AKNAD1: variants seen among roughly 807,000 people sequenced by gnomAD.
AKNAD1 encodes protein AKNAD1.
In AKNAD1, 67 loss-of-function variants were observed where a neutral mutation model predicts 90.8. The observed-to-expected ratio is 0.74, with a 90% CI of 0.61 to 0.90. The LOEUF (loss-of-function observed/expected upper bound fraction) is 0.90, where lower values mean the gene tolerates loss of function less well. AKNAD1 is among the 40% of genes least tolerant of loss of function. The probability of loss-of-function intolerance (pLI) is 0.00; values close to 1 mark genes in which losing one functional copy is unlikely to be tolerated. For synonymous variants in AKNAD1, 327 were observed against 341.4 expected (o/e 0.96, Z 0.46); for missense variants, 957 against 975.4 (o/e 0.98, Z 0.25).
chr1:108,827,642 G>A (rs1199224118), intron 10 of AKNAD1, among the ~76,000 whole-genome samples: 2 of 150,660 alleles, frequency 1.3e-5, no homozygotes, highest in Admixed American at 6.7e-5. Context: ...GTGAAACCCT[G>A]TCTCTACTAA....
intron 5 of AKNAD1, among the ~76,000 whole-genome samples, chr1:108,843,911 A>G (rs1664628155): frequency 6.6e-6 from 1 of 152,214 alleles, no homozygotes; most frequent in Non-Finnish European, 1.5e-5. Flanking sequence ...TTGAAGATGT[A>G]TGGAGGCTTC....
chr1:108,837,342 A>G (rs891190418), intron 7 of AKNAD1: 5 of 517,924 alleles, frequency 9.7e-6, no homozygotes, highest in Non-Finnish European at 1.7e-5. Context: ...CCTAAACTAT[A>G]AAGATGTTTC....
At chr1:108,848,668 A>G in intron 5 of AKNAD1, 84 bp downstream of exon 5, 1 of 1,259,030 alleles carries the variant, frequency 7.9e-7, no homozygotes, top group Non-Finnish European at 1.1e-6. Flanking sequence ...CACTGTAGAG[A>G]AAACATGGCA....
At chr1:108,828,869 G>A (rs1468145680) in intron 10 of AKNAD1, among the ~76,000 whole-genome samples, 1 of 151,704 alleles carries the variant, frequency 6.6e-6, no homozygotes, top group Non-Finnish European at 1.5e-5. Context: ...CAAATCTTCT[G>A]GCCAAACATA....
At chr1:108,829,623 C>T (rs1468712479) in intron 10 of AKNAD1, among the ~76,000 whole-genome samples, 2 of 152,138 alleles carry the variant, frequency 1.3e-5, no homozygotes, top group African/African-American at 4.8e-5. Context: ...GAGCTTCATG[C>T]AGTTTCTTTT....
intron 1 of AKNAD1, 47 bp from the exon 2 acceptor site, chr1:108,852,814 G>T: frequency 1.6e-6 from 1 of 634,720 alleles, no homozygotes. Context: ...TTGGAATAAT[G>T]TATACAACTA....
At chr1:108,834,086 C>T (rs759524693) in intron 9 of AKNAD1, among the ~76,000 whole-genome samples, 25 of 151,964 alleles carry the variant, frequency 1.6e-4, no homozygotes, top group African/African-American at 4.4e-4. Context: ...AAATGTGGTC[C>T]GCAGACCAGA....
chr1:108,830,307 C>T (rs993290791), intron 10 of AKNAD1, among the ~76,000 whole-genome samples: 7 of 152,174 alleles, frequency 4.6e-5, no homozygotes, highest in African/African-American at 1.7e-4. Context: ...GATGCTGAGA[C>T]AGTAGGTGGG....
chr1:108,839,477 A>AAAAAAGAAAAAAAAAAAAAAAG (rs1553203231), intron 6 of AKNAD1, among the ~76,000 whole-genome samples: 7 of 151,586 alleles, frequency 4.6e-5, no homozygotes, highest in Non-Finnish European at 7.4e-5. Flanking sequence ...TCAATAAAAA[A>AAAAAAGAAAAAAAAAAAAAAAG]AAAAAGAAAA....
rs768728237 is a variant in AKNAD1 at position 108,820,642 on chromosome 1, T to G, written c.2168-16A>C. On this transcript the variant is annotated splice_polypyrimidine_tract_variant and intron_variant, in intron 13 of 15. Transcript: ENST00000370001. ...TTTAAAAAAGCTGAAAAATGTTAGC[T>G]ATCATTAAATTCAGAGTATCAAAAA... 78 of 1,540,232 alleles carry G rather than the reference T, an allele frequency of 5.1e-5. No homozygotes were observed. Among genetic ancestry groups the G allele is most frequent in the Admixed American group, 3.9e-4 (23 of 59,116 alleles).
chr1:108,832,883 A>T (rs1366258770), intron 9 of AKNAD1, among the ~76,000 whole-genome samples: 2 of 152,230 alleles, frequency 1.3e-5, no homozygotes, highest in Non-Finnish European at 1.5e-5. Flanking sequence ...CACTGCCCTC[A>T]GCCTATAAAC....
intron 5 of AKNAD1, among the ~76,000 whole-genome samples, chr1:108,847,633 C>G (rs1402093492): frequency 1.3e-5 from 2 of 151,966 alleles, no homozygotes; most frequent in South Asian, 4.2e-4. Context: ...ACACTGGCAG[C>G]ACTTCCTCAC....
rs536020755 is a variant in AKNAD1, at chr1:108,816,553, C to T, written c.2380-251G>A. The stretch of plus-strand genomic sequence containing the variant: ...GCATGAATCAGAGGGTGAGGTCAGC[C>T]GCCAGCTGGGCTGTTTCCCTGCCGC... On this transcript the variant is annotated intron_variant, in intron 15 of 15. Coordinates refer to ENST00000370001, the MANE Select transcript of AKNAD1 (RefSeq NM_152763.5). Among the ~76,000 whole-genome samples the T allele has an allele frequency of 2.6e-5, 4 of 152,092 alleles. No individual in the cohort carries two copies. In the South Asian group the frequency reaches 8.3e-4, roughly 32 times the overall value.
At chr1:108,824,723 T>C (rs1305772057) in intron 11 of AKNAD1, among the ~76,000 whole-genome samples, 1 of 151,566 alleles carries the variant, frequency 6.6e-6, no homozygotes, top group East Asian at 2.0e-4. Context: ...TTGTTTTGTT[T>C]TTATGTTTAA....
At chr1:108,817,497 A>ATTTTTTTTTTTTTTTTTTTTTTTT (rs10681740) in intron 14 of AKNAD1, 5 of 60,338 alleles carry the variant, frequency 8.3e-5, no homozygotes, top group African/African-American at 1.4e-4. Context: ...TTTTTTTTTA[A>ATTTTTTTTTTTTTTTTTTTTTTTT]TTTTTTTTTT....
chr1:108,852,299 G>T lies in AKNAD1; in HGVS notation c.366C>A (p.Phe122Leu), dbSNP rs748512721. 1 of 1,614,164 alleles carries T rather than the reference G, an allele frequency of 6.2e-7. No homozygotes were observed. ...CACAATCAATGCCTTGACCTCTTAA[G>T]AATGGCTCTTTGGAAAGATGATGAA... is the stretch of plus-strand genomic sequence containing the variant. ...ILLHHLSKEP[F>L]LRGQGIDCET... The change falls in exon 2 of 16, where the codon TTC becomes TTA. Residue 122 changes from phenylalanine to leucine, a missense_variant. Coordinates refer to ENST00000370001, the MANE Select transcript of AKNAD1 (RefSeq NM_152763.5).
At position 108,852,763 on chromosome 1, in the gene AKNAD1, C is replaced by A. The variant is rs577504062; in HGVS notation, c.-99G>T. On this transcript the variant is annotated 5_prime_UTR_variant, in exon 2 of 16. It removes the in-frame stop codon of an upstream open reading frame in the 5' UTR. Coordinates refer to ENST00000370001, the MANE Select transcript of AKNAD1 (RefSeq NM_152763.5). ...TCTCACTGACTGTCTTCACTGTGTGCTATTCTGTGTGAAATGAGAACAGCC... is the reference window on the plus strand; with the variant it reads ...TCTCACTGACTGTCTTCACTGTGTGATATTCTGTGTGAAATGAGAACAGCC... 3.5e-6 allele frequency: 4 copies of A among 1,152,316 alleles called. No individual in the cohort carries two copies. The South Asian group carries it at 7.5e-5, about 22-fold the overall frequency. 71.4% of individuals were successfully genotyped at this position (1,152,316 alleles called of 1,614,324 possible). A position where few individuals can be genotyped will look rare whatever the true frequency, so the allele number is the denominator to read the frequency against.
chr1:108,842,675 A>C (rs1664584024), intron 6 of AKNAD1, among the ~76,000 whole-genome samples: 1 of 152,172 alleles, frequency 6.6e-6, no homozygotes, highest in African/African-American at 2.4e-5. Flanking sequence ...AGAGAGGGAC[A>C]GAAGAGAGAA....
chr1:108,822,390 C>T lies in AKNAD1; in HGVS notation c.2167+980G>A, dbSNP rs78679850. Reference sequence around the variant, plus strand: ...TTGTGGATGAATCCATTGCAGCCCTCGTTCGTATACTGGCATGACAAGTGT... The same window carrying T: ...TTGTGGATGAATCCATTGCAGCCCTTGTTCGTATACTGGCATGACAAGTGT... On this transcript the variant is annotated intron_variant, in intron 13 of 15. Coordinates refer to ENST00000370001, the MANE Select transcript of AKNAD1 (RefSeq NM_152763.5). Among the ~76,000 whole-genome samples the T allele has an allele frequency of 7.9e-3, 1,209 of 152,274 alleles. 16 individuals carry two copies. The highest frequency in any genetic ancestry group is 0.028 in the African/African-American group (1,143 of 41,550).
Sources: allele counts gnomAD v4.1 joint callset (sites outside exome capture counted in the v4.1 genomes callset), GRCh38; gene constraint gnomAD v4.1.1; transcripts MANE v1.5; gene names NCBI Gene and HGNC (gene_info 2026-07-23, HGNC 2026-07-21).